Variants in STK39 observed in about 807,000 individuals in gnomAD.
STK39 encodes the protein serine/threonine kinase 39, also known as STE20/SPS1-related proline-alanine-rich protein kinase.
Under a neutral mutation model 77.8 loss-of-function variants are expected in STK39, and 20 were observed. The ratio of observed to expected loss-of-function variants is 0.26; its 90% CI spans 0.18 to 0.37. The LOEUF (loss-of-function observed/expected upper bound fraction) is 0.37, where lower values mean the gene tolerates loss of function less well. Ranked by LOEUF, STK39 falls within the 10% of genes least tolerant of loss-of-function variation. The pLI is 1.00. For synonymous variants in STK39, 246 were observed against 234.1 expected (o/e 1.05, Z -0.47); for missense variants, 479 against 656.5 (o/e 0.73, Z 2.95).
At chr2:168,035,509 A>C (rs1230316114) in intron 14 of STK39, among the ~76,000 whole-genome samples, 1 of 152,210 alleles carries the variant, frequency 6.6e-6, no homozygotes, top group Non-Finnish European at 1.5e-5. Context: ...CAGGACATTT[A>C]ATTAGGTAGA....
chr2:167,994,647 C>G (rs1683785918), intron 16 of STK39, among the ~76,000 whole-genome samples: 1 of 152,190 alleles, frequency 6.6e-6, no homozygotes, highest in Non-Finnish European at 1.5e-5. Flanking sequence ...CTTTCTATCT[C>G]TATGGATTTA....
chr2:168,035,493 G>GTCT (rs1684928076), intron 14 of STK39, among the ~76,000 whole-genome samples: 1 of 152,146 alleles, frequency 6.6e-6, no homozygotes, highest in African/African-American at 2.4e-5. Context: ...TCGGCAGAAT[G>GTCT]TCTAACAGGA....
chr2:168,076,946 G>C (rs1686095752), intron 10 of STK39, among the ~76,000 whole-genome samples: 1 of 152,100 alleles, frequency 6.6e-6, no homozygotes, highest in Non-Finnish European at 1.5e-5. Flanking sequence ...AATGCTTGCA[G>C]AAATAGCTAA....
intron 12 of STK39, among the ~76,000 whole-genome samples, chr2:168,066,497 T>C (rs1313448956): frequency 1.3e-5 from 2 of 152,244 alleles, no homozygotes; most frequent in Non-Finnish European, 2.9e-5. Flanking sequence ...CTTCAAATGA[T>C]CTCTTGCAAA....
intron 14 of STK39, among the ~76,000 whole-genome samples, chr2:168,050,833 G>T (rs765267312): frequency 2.0e-5 from 3 of 152,086 alleles, no homozygotes; most frequent in Non-Finnish European, 4.4e-5. Flanking sequence ...CTAATACAAA[G>T]GCCAACCAAT....
intron 1 of STK39, among the ~76,000 whole-genome samples, chr2:168,203,546 T>C (rs948582065): frequency 6.6e-6 from 1 of 152,098 alleles, no homozygotes; most frequent in South Asian, 2.1e-4. Context: ...TTATCCAAGG[T>C]AGAGTTTACG....
chr2:167,962,047 C>G (rs758055383), intron 17 of STK39, among the ~76,000 whole-genome samples: 44 of 152,160 alleles, frequency 2.9e-4, no homozygotes, highest in Non-Finnish European at 5.4e-4. Flanking sequence ...TCCCAGTGCT[C>G]CCCTGAGTGA....
chr2:168,176,447 C>T (rs1688958242), intron 2 of STK39, among the ~76,000 whole-genome samples: 1 of 152,164 alleles, frequency 6.6e-6, no homozygotes, highest in African/African-American at 2.4e-5. Context: ...CTCAAATGAT[C>T]ATCAAGCCAC....
chr2:168,206,206 A>G (rs1184174000), intron 1 of STK39, among the ~76,000 whole-genome samples: 1 of 152,220 alleles, frequency 6.6e-6, no homozygotes, highest in African/African-American at 2.4e-5. Flanking sequence ...CAGTGCATAC[A>G]GTACAATTCC....
intron 2 of STK39, among the ~76,000 whole-genome samples, chr2:168,177,344 T>A (rs775470601): frequency 1.3e-5 from 2 of 152,150 alleles, no homozygotes; most frequent in Non-Finnish European, 2.9e-5. Context: ...TTGATGGCAT[T>A]GATGTATGTG....
Position 168,140,742 on chromosome 2 carries a change from C to T in STK39, c.645G>A (p.Ala215=), listed in dbSNP as rs770138220. 29 of 1,595,908 alleles carry T rather than the reference C, an allele frequency of 1.8e-5. No homozygotes were observed. The highest frequency in any genetic ancestry group is 4.1e-5 in the African/African-American group (3 of 73,868). ...TAACATCACCCCCTGTTGCTAGGAA[C>T]GCACTTACCCCAAAATCTGAAAGGG... The part of the protein sequence containing the change: ...SVQIADFGVS[A]FLATGGDVTR... The change falls in exon 6 of 18, where the codon GCG becomes GCA. Residue 215 remains alanine (A), a synonymous_variant. Coordinates refer to ENST00000355999, the MANE Select transcript of STK39 (RefSeq NM_013233.3).
intron 5 of STK39, 42 bp from the exon 6 acceptor site, chr2:168,140,800 T>C (rs759973233): frequency 2.0e-6 from 3 of 1,477,488 alleles, no homozygotes; most frequent in Non-Finnish European, 1.9e-6. Context: ...ATGTAAGACA[T>C]TATTGCTTAT....
chr2:168,129,420 A>G (rs1429645743), intron 10 of STK39, 121 bp downstream of exon 10: 38 of 1,067,876 alleles, frequency 3.6e-5, no homozygotes, highest in Non-Finnish European at 5.2e-5. Flanking sequence ...GTAATCACTA[A>G]TGAGATATAG....
chr2:168,126,883 C>G (rs1687557323), intron 10 of STK39, among the ~76,000 whole-genome samples: 1 of 152,166 alleles, frequency 6.6e-6, no homozygotes, highest in Non-Finnish European at 1.5e-5. Flanking sequence ...ACAGGCCACT[C>G]TCTTTTCTCT....
intron 1 of STK39, among the ~76,000 whole-genome samples, chr2:168,242,171 A>C (rs922508906): frequency 6.6e-6 from 1 of 152,162 alleles, no homozygotes; most frequent in Non-Finnish European, 1.5e-5. Flanking sequence ...TTAAAAGAGT[A>C]TTTATCTTGT....
intron 16 of STK39, among the ~76,000 whole-genome samples, chr2:167,981,389 C>T (rs1374431657): frequency 6.6e-6 from 1 of 152,204 alleles, no homozygotes; most frequent in Non-Finnish European, 1.5e-5. Flanking sequence ...TATTATCCTG[C>T]TCTTCCTACT....
At chr2:168,033,148 T>C (rs1684868855) in intron 14 of STK39, among the ~76,000 whole-genome samples, 1 of 152,094 alleles carries the variant, frequency 6.6e-6, no homozygotes, top group South Asian at 2.1e-4. Flanking sequence ...CCTTACCTGA[T>C]GCATGGCAGT....
At chr2:168,228,873 C>A (rs1040879990) in intron 1 of STK39, among the ~76,000 whole-genome samples, 4 of 152,126 alleles carry the variant, frequency 2.6e-5, no homozygotes, top group Non-Finnish European at 4.4e-5. Flanking sequence ...TTTTTCCTTA[C>A]ATGAGAAAGG....
chr2:167,996,821 G>T (rs887798929), intron 16 of STK39, among the ~76,000 whole-genome samples: 2 of 152,062 alleles, frequency 1.3e-5, no homozygotes, highest in Non-Finnish European at 2.9e-5. Flanking sequence ...CAAAGAGGTA[G>T]ATCACCGACT....
Sources: gnomAD v4.1 joint callset for allele counts (sites outside exome capture counted in the v4.1 genomes callset) on GRCh38, gnomAD v4.1.1 for gene constraint, MANE v1.5 for transcripts, NCBI Gene and HGNC (gene_info 2026-07-23, HGNC 2026-07-21) for gene names.